PANX1: variants seen among roughly 807,000 people sequenced by gnomAD.
PANX1 encodes pannexin 1.
In PANX1, 30 loss-of-function variants were observed where a neutral mutation model predicts 38.7. The ratio of observed to expected loss-of-function variants is 0.78; its 90% CI spans 0.58 to 1.05. The LOEUF (loss-of-function observed/expected upper bound fraction) is 1.05, where lower values mean the gene tolerates loss of function less well. Ranked by LOEUF, PANX1 falls within the 50% of genes least tolerant of loss-of-function variation. PANX1 has a pLI of 0.00. For missense variants in PANX1, 551 were observed against 517.2 expected, an observed-to-expected ratio of 1.07 and a Z score of -0.63; for synonymous variants, 230 against 212.2, an observed-to-expected ratio of 1.08 and a Z score of -0.73.
chr11:94,165,607 C>A (rs7934346), intron 2 of PANX1, among the ~76,000 whole-genome samples: 56,096 of 152,036 alleles, frequency 0.37, 10,855 homozygotes, highest in African/African-American at 0.45. Context: ...AGTTATCTTC[C>A]GTTTAAAATA....
At chr11:94,159,960 T>G (rs143939574) in intron 2 of PANX1, among the ~76,000 whole-genome samples, 8,421 of 152,086 alleles carry the variant, frequency 0.055, 801 homozygotes, top group African/African-American at 0.19. Context: ...AGAACATCTT[T>G]ATTTCTGTCT....
chr11:94,147,816 G>T (rs147181770), intron 1 of PANX1, among the ~76,000 whole-genome samples: 1 of 152,150 alleles, frequency 6.6e-6, no homozygotes, highest in Non-Finnish European at 1.5e-5. Context: ...TGACAGTGCC[G>T]TGTCTGATCT....
Position 94,178,418 on chromosome 11 carries a change from C to T in PANX1, c.371C>T (p.Pro124Leu), listed in dbSNP as rs199806267. 3.6e-5 allele frequency: 58 copies of T among 1,613,956 alleles called. No individual in the cohort carries two copies. The highest frequency in any genetic ancestry group is 9.3e-5 in the African/African-American group (7 of 74,914). ...TTTGCGATCCTCCTGTACCTGCCCC[C>T]GCTGTTCTGGCGTTTCGCAGCTGCT... ...LLFAILLYLP[P>L]LFWRFAAAPH... is the part of the protein sequence containing the mutation. Residue 124 changes from proline to leucine, a missense_variant, in exon 3 of 5, where the codon CCG (proline) becomes CTG (leucine). Physicochemically the swap from Pro to Leu is moderately conservative, Grantham distance 98. Transcript: ENST00000227638.
chr11:94,138,718 A>G (rs964944298), intron 1 of PANX1, among the ~76,000 whole-genome samples: 2 of 152,146 alleles, frequency 1.3e-5, no homozygotes, highest in African/African-American at 2.4e-5. Flanking sequence ...CAGTCACTCT[A>G]TTGTGCCATC....
intron 2 of PANX1, among the ~76,000 whole-genome samples, chr11:94,161,981 C>G (rs1194563824): frequency 6.6e-6 from 1 of 152,176 alleles, no homozygotes; most frequent in Non-Finnish European, 1.5e-5. Context: ...TGCCAGAGGT[C>G]CACTCCAGAC....
chr11:94,147,258 GTATT>G (rs1946837546), intron 1 of PANX1, among the ~76,000 whole-genome samples: 1 of 152,130 alleles, frequency 6.6e-6, no homozygotes, highest in South Asian at 2.1e-4. Context: ...TTGAAAATCT[GTATT>G]TATCATCTGT....
intron 2 of PANX1, among the ~76,000 whole-genome samples, chr11:94,161,297 C>T (rs1028649353): frequency 9.2e-5 from 14 of 152,236 alleles, no homozygotes; most frequent in African/African-American, 3.4e-4. Context: ...GGAAGTTCTC[C>T]TGGATAATAT....
Position 94,180,054 on chromosome 11 carries a change from T to C in PANX1, c.998T>C (p.Leu333Pro), listed in dbSNP as rs760867544. Residue 333 changes from leucine to proline, a missense_variant, in exon 4 of 5, where the codon CTC becomes CCC. Leu to Pro is a moderately conservative substitution (Grantham distance 98). Transcript: ENST00000227638. The stretch of plus-strand genomic sequence containing the variant: ...TACAACGATTTGAGCCTCTACAATC[T>C]CTTCTTGGAGGAAAATATAAGTGAG... ...EGYNDLSLYN[L>P]FLEENISEVK... 2 of 1,611,666 alleles carry C rather than the reference T, an allele frequency of 1.2e-6. No homozygotes were observed. The highest frequency in any genetic ancestry group is 4.5e-5 in the East Asian group (2 of 44,798).
intron 2 of PANX1, among the ~76,000 whole-genome samples, chr11:94,172,623 T>C (rs1448209686): frequency 6.6e-6 from 1 of 151,740 alleles, no homozygotes; most frequent in African/African-American, 2.4e-5. Context: ...AATGGCAGAG[T>C]TGAGCAGCTG....
At chr11:94,149,075 T>C (rs570771161) in intron 1 of PANX1, among the ~76,000 whole-genome samples, 2 of 152,266 alleles carry the variant, frequency 1.3e-5, no homozygotes, top group South Asian at 4.2e-4. Flanking sequence ...TCCCTTCTCC[T>C]GCCTAGGAGC....
intron 2 of PANX1, among the ~76,000 whole-genome samples, chr11:94,164,426 T>G (rs1947080343): frequency 6.6e-6 from 1 of 152,214 alleles, no homozygotes; most frequent in African/African-American, 2.4e-5. Flanking sequence ...TTCAAGAAAT[T>G]TTTAAACTTT....
chr11:94,156,124 T>G (rs1203447697), intron 2 of PANX1, among the ~76,000 whole-genome samples: 1 of 152,154 alleles, frequency 6.6e-6, no homozygotes. Flanking sequence ...CTGAAAGATT[T>G]TTTATCCAGA....
At chr11:94,163,240 G>C (rs1003096078) in intron 2 of PANX1, among the ~76,000 whole-genome samples, 1 of 152,142 alleles carries the variant, frequency 6.6e-6, no homozygotes, top group East Asian at 1.9e-4. Context: ...TTTGATATAA[G>C]CATAGAATGT....
chr11:94,159,431 C>G (rs1367829509), intron 2 of PANX1, among the ~76,000 whole-genome samples: 1 of 152,070 alleles, frequency 6.6e-6, no homozygotes, highest in East Asian at 1.9e-4. Flanking sequence ...AATTTCAGAG[C>G]CTGTTATTGG....
chr11:94,157,068 T>TA lies in PANX1; in HGVS notation c.321+3439dup, dbSNP rs1465362865. 7.7e-4 allele frequency among the ~76,000 whole-genome samples: 118 copies of TA among 152,312 alleles called. 1 individual carries two copies. Among genetic ancestry groups the TA allele is most frequent in the African/African-American group, 2.7e-3 (113 of 41,554 alleles). On this transcript the variant is annotated intron_variant, in intron 2 of 4. Transcript: ENST00000227638. ...CAAAGGACATGAACTCATCCTTTTT[T>TA]ATGGCTGCATAGTATTCCATGGTGT...
chr11:94,158,065 A>T (rs949181750), intron 2 of PANX1, among the ~76,000 whole-genome samples: 1 of 151,986 alleles, frequency 6.6e-6, no homozygotes, highest in Non-Finnish European at 1.5e-5. Flanking sequence ...GATATGTGGC[A>T]TTATTTCTGA....
intron 1 of PANX1, among the ~76,000 whole-genome samples, chr11:94,144,283 C>T (rs1362540080): frequency 6.6e-6 from 1 of 152,106 alleles, no homozygotes; most frequent in Non-Finnish European, 1.5e-5. Flanking sequence ...AGACCAAGCA[C>T]ATTTCCTCTA....
At chr11:94,162,871 CTTT>C (rs59182320) in intron 2 of PANX1, among the ~76,000 whole-genome samples, 3 of 107,458 alleles carry the variant, frequency 2.8e-5, no homozygotes, top group African/African-American at 4.0e-5. Context: ...ACCAACCTCT[CTTT>C]TTTTTTTTTT....
intron 1 of PANX1, among the ~76,000 whole-genome samples, chr11:94,135,569 T>G (rs548338984): frequency 6.6e-6 from 1 of 152,332 alleles, no homozygotes; most frequent in South Asian, 2.1e-4. Context: ...GCATAGGTCC[T>G]ATAATAGAAC....
Sources: allele counts gnomAD v4.1 joint callset (sites outside exome capture counted in the v4.1 genomes callset), GRCh38; gene constraint gnomAD v4.1.1; transcripts MANE v1.5; gene names NCBI Gene and HGNC (gene_info 2026-07-23, HGNC 2026-07-21).